Variants in DDX60L observed in about 807,000 individuals in gnomAD.
DDX60L encodes DExD/H-box 60 like.
A neutral mutation model predicts 211.6 loss-of-function variants in DDX60L; 191 were observed. That is an observed-to-expected ratio of 0.90 (90% CI 0.80 to 1.02). The LOEUF is 1.02. Ranked by LOEUF, DDX60L falls within the 50% of genes least tolerant of loss-of-function variation. The pLI, the probability that DDX60L is intolerant of heterozygous loss-of-function variation, is 0.00. For missense variants in DDX60L, 2,007 were observed against 1,984.1 expected (o/e 1.01, Z -0.22); for synonymous variants, 706 against 694.1 (o/e 1.02, Z -0.27).
chr4:168,369,873 C>T (rs1199582499), intron 36 of DDX60L, among the ~76,000 whole-genome samples: 1 of 152,086 alleles, frequency 6.6e-6, no homozygotes, highest in African/African-American at 2.4e-5. Context: ...TCAAATACCA[C>T]CTCACTCTAG....
At chr4:168,466,205 A>G (rs1757972526) in intron 4 of DDX60L, among the ~76,000 whole-genome samples, 2 of 152,114 alleles carry the variant, frequency 1.3e-5, no homozygotes, top group South Asian at 2.1e-4. Context: ...CAAGAGTAGA[A>G]ATCAGTGAAA....
chr4:168,477,459 T>C (rs927747904), intron 1 of DDX60L, among the ~76,000 whole-genome samples: 52 of 151,924 alleles, frequency 3.4e-4, no homozygotes, highest in African/African-American at 1.2e-3. Context: ...CATAATGGTA[T>C]AGTGCTATCG....
intron 4 of DDX60L, chr4:168,470,827 C>T (rs1004829982): frequency 2.0e-5 from 5 of 248,070 alleles, no homozygotes; most frequent in African/African-American, 4.7e-5. Flanking sequence ...GCAAAAAGAG[C>T]GAAACTCCAT....
chr4:168,451,808 G>A (rs1755842337), intron 8 of DDX60L, among the ~76,000 whole-genome samples: 1 of 151,914 alleles, frequency 6.6e-6, no homozygotes, highest in South Asian at 2.1e-4. Flanking sequence ...CTCCTCTCTG[G>A]TCACACTAAA....
Position 168,378,348 on chromosome 4 carries a change from C to G in DDX60L, c.4485+6G>C. The G allele has an allele frequency of 7.3e-7, 1 of 1,369,694 alleles. No homozygotes were observed. The highest frequency in any genetic ancestry group is 1.0e-6 in the Non-Finnish European group (1 of 986,872). The allele number at this position is 1,369,694 out of a possible 1,614,324, so 84.8% of individuals were successfully genotyped here. On this transcript the variant is annotated splice_donor_region_variant and intron_variant, in intron 33 of 37. Transcript: ENST00000682922. ...ATTATATCATTGTAAGTATAACAAACTTTACCTTTGACTGAGAAAAACTTA... is the reference window on the plus strand; with the variant it reads ...ATTATATCATTGTAAGTATAACAAAGTTTACCTTTGACTGAGAAAAACTTA...
chr4:168,363,511 C>A (rs1739443019), intron 36 of DDX60L, among the ~76,000 whole-genome samples: 1 of 151,998 alleles, frequency 6.6e-6, no homozygotes, highest in South Asian at 2.1e-4. Context: ...CAATTAATGA[C>A]TAAAGAATAC....
intron 30 of DDX60L, chr4:168,380,729 T>C (rs1232662103): frequency 6.6e-6 from 1 of 152,128 alleles, no homozygotes; most frequent in Admixed American, 6.6e-5. Context: ...AACTGCATAG[T>C]GGACAGAGGT....
chr4:168,416,980 G>T (rs6552758), intron 19 of DDX60L, among the ~76,000 whole-genome samples, 183 bp from the exon 20 acceptor site: 57,080 of 151,806 alleles, frequency 0.38, 11,471 homozygotes, highest in African/African-American at 0.51. Flanking sequence ...TCTCCATATC[G>T]AAACCATTAT....
intron 4 of DDX60L, chr4:168,471,527 T>C (rs1758768791): frequency 2.6e-6 from 1 of 383,366 alleles, no homozygotes; most frequent in Non-Finnish European, 4.5e-6. Context: ...ATATTGTGAA[T>C]GTGGGAACAT....
At chr4:168,445,622 A>G (rs542876143) in intron 9 of DDX60L, among the ~76,000 whole-genome samples, 2 of 152,190 alleles carry the variant, frequency 1.3e-5, no homozygotes, top group Non-Finnish European at 2.9e-5. Context: ...TTGATGCAAA[A>G]ATCCTCAATA....
Position 168,459,490 on chromosome 4 carries a change from G to A in DDX60L, c.607-1482C>T, listed in dbSNP as rs532867357. On this transcript the variant is annotated intron_variant, in intron 5 of 37. Coordinates refer to ENST00000682922, the MANE Select transcript of DDX60L (RefSeq NM_001012967.3). ...CTAGAGGCCAGGCACAGTGGCTCAC[G>A]CCTGCAATCCCAGCACTTTAGGAGG... Among the ~76,000 whole-genome samples, 61 of 152,162 alleles carry A rather than the reference G, an allele frequency of 4.0e-4. No individual in the cohort carries two copies. In the South Asian group the frequency reaches 0.012, roughly 29 times the overall value.
In DDX60L at chr4:168,415,462, A is replaced by G. The variant is rs779590367; in HGVS notation, c.2925T>C (p.His975=). The G allele has an allele frequency of 8.1e-6, 13 of 1,607,648 alleles. No individual in the cohort carries two copies. Among genetic ancestry groups the G allele is most frequent in the African/African-American group, 8.0e-5 (6 of 74,832 alleles). Residue 975 remains histidine (H), a synonymous_variant, in exon 22 of 38, where the codon CAT becomes CAC. Coordinates refer to ENST00000682922, the MANE Select transcript of DDX60L (RefSeq NM_001012967.3). ...DLEKHICSVK[H]DDVYFDHFHP... ...GAAAATGATCAAAATAAACATCATCATGTTTTACTGAACATATATGCTTCT... is the reference window on the plus strand; with the variant it reads ...GAAAATGATCAAAATAAACATCATCGTGTTTTACTGAACATATATGCTTCT...
chr4:168,409,734 C>A (rs1262459348), intron 22 of DDX60L, among the ~76,000 whole-genome samples: 1 of 152,290 alleles, frequency 6.6e-6, no homozygotes, highest in East Asian at 1.9e-4. Flanking sequence ...TAATTCCTTA[C>A]TCGTGCATTC....
chr4:168,453,036 G>C (rs1042963840), intron 8 of DDX60L, 88 bp downstream of exon 8: 26 of 1,305,352 alleles, frequency 2.0e-5, no homozygotes, highest in Non-Finnish European at 2.4e-5. Flanking sequence ...AATTAGATCT[G>C]GCATTATTCC....
intron 8 of DDX60L, among the ~76,000 whole-genome samples, 157 bp from the exon 9 acceptor site, chr4:168,448,936 CA>C (rs1366218989): frequency 6.6e-6 from 1 of 152,170 alleles, no homozygotes; most frequent in Non-Finnish European, 1.5e-5. Flanking sequence ...TATAAGTCCC[CA>C]AACTAATGCT....
chr4:168,440,760 C>T (rs1207573204), intron 10 of DDX60L, among the ~76,000 whole-genome samples: 2 of 152,166 alleles, frequency 1.3e-5, no homozygotes, highest in South Asian at 2.1e-4. Flanking sequence ...TCCATCAGCA[C>T]CTTTGTAATC....
At chr4:168,446,546 G>A (rs1242435675) in intron 9 of DDX60L, among the ~76,000 whole-genome samples, 2 of 152,136 alleles carry the variant, frequency 1.3e-5, no homozygotes, top group Non-Finnish European at 2.9e-5. Context: ...AGTTCATACG[G>A]AACCGAAAAA....
At chr4:168,425,177 C>T (rs1263806854) in intron 14 of DDX60L, among the ~76,000 whole-genome samples, 3 of 152,196 alleles carry the variant, frequency 2.0e-5, no homozygotes, top group African/African-American at 7.2e-5. Context: ...GAGAAATAAA[C>T]TATCTTTTTT....
At chr4:168,402,754 C>T (rs1189863687) in intron 25 of DDX60L, among the ~76,000 whole-genome samples, 1 of 152,070 alleles carries the variant, frequency 6.6e-6, no homozygotes, top group African/African-American at 2.4e-5. Flanking sequence ...GGAAGTTGAC[C>T]CAGCTTGAGC....
Sources: allele counts gnomAD v4.1 joint callset (sites outside exome capture counted in the v4.1 genomes callset), GRCh38; gene constraint gnomAD v4.1.1; transcripts MANE v1.5; gene names NCBI Gene and HGNC (gene_info 2026-07-23, HGNC 2026-07-21).